Variants in DAP3 observed in about 807,000 individuals in gnomAD.
The protein encoded by DAP3 is small ribosomal subunit protein mS29.
Under a neutral mutation model 51.9 loss-of-function variants are expected in DAP3, and 28 were observed. That is an observed-to-expected ratio of 0.54 (90% confidence interval 0.40 to 0.74). The LOEUF is 0.74. DAP3 is among the 30% of genes least tolerant of loss of function. The pLI, the probability that DAP3 is intolerant of heterozygous loss-of-function variation, is 0.00. For synonymous variants in DAP3, 170 were observed against 170.3 expected, an observed-to-expected ratio of 1.00 and a Z score of 0.01; for missense variants, 458 against 483.5, an observed-to-expected ratio of 0.95 and a Z score of 0.49.
intron 1 of DAP3, among the ~76,000 whole-genome samples, chr1:155,709,523 G>GC (rs1368300428): frequency 1.3e-5 from 2 of 152,132 alleles, no homozygotes; most frequent in East Asian, 3.9e-4. Context: ...ATTTTAATTA[G>GC]CATTTCCCTG....
intron 7 of DAP3, among the ~76,000 whole-genome samples, chr1:155,728,680 C>T (rs1362953394): frequency 4.0e-5 from 6 of 151,470 alleles, no homozygotes; most frequent in East Asian, 1.9e-4. Context: ...GCCAACATGG[C>T]GAAACCCCAT....
chr1:155,696,625 A>G (rs1373424013), intron 1 of DAP3, among the ~76,000 whole-genome samples: 1 of 152,252 alleles, frequency 6.6e-6, no homozygotes, highest in Non-Finnish European at 1.5e-5. Flanking sequence ...ATAACATTGA[A>G]TAAGTTGGTC....
chr1:155,698,998 A>G (rs549173374), intron 1 of DAP3, among the ~76,000 whole-genome samples: 1 of 152,146 alleles, frequency 6.6e-6, no homozygotes, highest in Non-Finnish European at 1.5e-5. Flanking sequence ...CAGCCTCAAC[A>G]CCATCCGTAG....
At chr1:155,721,964 A>T (rs1658069779) in intron 4 of DAP3, 1 of 356,878 alleles carries the variant, frequency 2.8e-6, no homozygotes, top group Admixed American at 4.2e-5. Flanking sequence ...TAGAAGCAAT[A>T]TTTTGATTAG....
intron 2 of DAP3, among the ~76,000 whole-genome samples, chr1:155,715,471 G>A (rs193247865): frequency 6.5e-4 from 98 of 149,714 alleles, no homozygotes; most frequent in Non-Finnish European, 1.0e-3. Flanking sequence ...ACAGTGTGCC[G>A]TGATCGTGCC....
chr1:155,727,811 C>T (rs1376903992), intron 7 of DAP3, 73 bp downstream of exon 7: 7 of 1,463,962 alleles, frequency 4.8e-6, no homozygotes, highest in Non-Finnish European at 6.4e-6. Flanking sequence ...TACCAATAGA[C>T]TATGGAGAAC....
At chr1:155,737,831 A>G (rs1659966952) in intron 12 of DAP3, among the ~76,000 whole-genome samples, 6 of 152,190 alleles carry the variant, frequency 3.9e-5, no homozygotes, top group Admixed American at 3.9e-4. Context: ...AGAGTGTAAG[A>G]CTAACTGTAG....
intron 7 of DAP3, among the ~76,000 whole-genome samples, chr1:155,728,387 T>C (rs553785665): frequency 2.4e-4 from 35 of 145,944 alleles, no homozygotes; most frequent in Middle Eastern, 4.1e-3. Flanking sequence ...CATGGTGAAA[T>C]CCCATCTCTA....
chr1:155,727,915 GAAATA>G (rs1356924081), intron 7 of DAP3, among the ~76,000 whole-genome samples, 177 bp downstream of exon 7: 1 of 151,978 alleles, frequency 6.6e-6, no homozygotes, highest in Admixed American at 6.6e-5. Flanking sequence ...TTATCCATGT[GAAATA>G]AATAGGCAAC....
intron 1 of DAP3, among the ~76,000 whole-genome samples, chr1:155,703,739 G>T (rs139233176): frequency 7.8e-4 from 118 of 152,256 alleles, no homozygotes; most frequent in Non-Finnish European, 1.2e-3. Context: ...GGGTTTCACC[G>T]TGTTAGCCAG....
chr1:155,688,656 T>G, upstream of DAP3: 1 of 1,533,534 alleles, frequency 6.5e-7, no homozygotes, highest in Non-Finnish European at 8.7e-7. Context: ...CCCTCACGCG[T>G]ACCTTCAGCG....
chr1:155,723,169 A>G (rs1432714238), intron 4 of DAP3, among the ~76,000 whole-genome samples: 3 of 151,876 alleles, frequency 2.0e-5, no homozygotes, highest in Admixed American at 6.6e-5. Flanking sequence ...TATTTTAATT[A>G]TAGAGACAGG....
intron 11 of DAP3, among the ~76,000 whole-genome samples, chr1:155,733,662 T>C (rs1659471387): frequency 6.7e-6 from 1 of 149,238 alleles, no homozygotes; most frequent in Non-Finnish European, 1.5e-5. Flanking sequence ...TATGGTGAAA[T>C]CCTGTCTCTA....
intron 1 of DAP3, among the ~76,000 whole-genome samples, chr1:155,709,425 G>A (rs1219065412): frequency 6.6e-6 from 1 of 152,114 alleles, no homozygotes; most frequent in Non-Finnish European, 1.5e-5. Flanking sequence ...CTCCCAAAGT[G>A]TGGGGATTGT....
At chr1:155,701,142 G>GC (rs1655225943) in intron 1 of DAP3, among the ~76,000 whole-genome samples, 1 of 119,578 alleles carries the variant, frequency 8.4e-6, no homozygotes, top group Non-Finnish European at 1.6e-5. Context: ...GAAGTGAGTA[G>GC]CCCCTCTGCC....
At chr1:155,707,687 T>G (rs1048601576) in intron 1 of DAP3, among the ~76,000 whole-genome samples, 3 of 152,166 alleles carry the variant, frequency 2.0e-5, no homozygotes, top group African/African-American at 7.2e-5. Context: ...CTTCTTCCCT[T>G]TTCTTCTCCC....
At chr1:155,706,773 A>T (rs1323519586) in intron 1 of DAP3, among the ~76,000 whole-genome samples, 5 of 151,548 alleles carry the variant, frequency 3.3e-5, no homozygotes, top group African/African-American at 7.3e-5. Context: ...ATAAATAAAT[A>T]AAATAAAATA....
At chr1:155,694,890 C>T (rs930580502) in intron 1 of DAP3, among the ~76,000 whole-genome samples, 6 of 152,218 alleles carry the variant, frequency 3.9e-5, no homozygotes, top group East Asian at 1.9e-4. Flanking sequence ...AACCTGATTG[C>T]GGAAGATGTT....
chr1:155,728,127 C>G (rs1260625604), intron 7 of DAP3, among the ~76,000 whole-genome samples: 2 of 152,052 alleles, frequency 1.3e-5, no homozygotes, highest in African/African-American at 2.4e-5. Context: ...CTGTCTAGAC[C>G]AGGGGCCTTC....
Sources: allele counts gnomAD v4.1 joint callset (sites outside exome capture counted in the v4.1 genomes callset), GRCh38; gene constraint gnomAD v4.1.1; transcripts MANE v1.5; gene names NCBI Gene and HGNC (gene_info 2026-07-23, HGNC 2026-07-21).